NTN1: variants seen among roughly 807,000 people sequenced by gnomAD.
NTN1 encodes netrin-1.
Under a neutral mutation model 54.2 loss-of-function variants are expected in NTN1, and 11 were observed. That is an observed-to-expected ratio of 0.20 (90% CI 0.13 to 0.34). The LOEUF (loss-of-function observed/expected upper bound fraction) is 0.34, where lower values mean the gene tolerates loss of function less well. NTN1 is among the 10% of genes least tolerant of loss of function. The pLI is 1.00. For missense variants in NTN1, 740 were observed against 893.1 expected (o/e 0.83, Z 2.18); for synonymous variants, 371 against 382.0 (o/e 0.97, Z 0.33).
chr17:9,090,471 G>T (rs1481476768), intron 2 of NTN1, among the ~76,000 whole-genome samples: 2 of 152,088 alleles, frequency 1.3e-5, no homozygotes, highest in Non-Finnish European at 1.5e-5. Context: ...ACCGCGCCTG[G>T]CCTAACTCCT....
Position 9,076,547 on chromosome 17 carries a change from A to G in NTN1, c.1018+53156A>G, listed in dbSNP as rs575467037. ...ACCAGCATGCTCAGTGAATTTTTCA[A>G]ATTTTTTTGTGGAGATAGGGGTCTC... On this transcript the variant is annotated intron_variant, in intron 2 of 6. Transcript: ENST00000173229. Among the ~76,000 whole-genome samples the G allele has an allele frequency of 1.1e-4, 16 of 151,918 alleles. 1 individual carries two copies. The South Asian group carries it at 3.1e-3, about 30-fold the overall frequency.
At chr17:9,029,821 G>A (rs144071296) in intron 2 of NTN1, among the ~76,000 whole-genome samples, 2,113 of 152,092 alleles carry the variant, frequency 0.014, 52 homozygotes, top group African/African-American at 0.049. Context: ...GTGAAACCCC[G>A]TGTCTACTAA....
At chr17:9,137,530 C>T (rs1280121225) in intron 2 of NTN1, among the ~76,000 whole-genome samples, 1 of 152,202 alleles carries the variant, frequency 6.6e-6, no homozygotes, top group Non-Finnish European at 1.5e-5. Context: ...CAATGGCTCA[C>T]GCCTGTAATC....
the NTN1 span, among the ~76,000 whole-genome samples, chr17:9,003,097 G>C: frequency 2.3e-3 from 354 of 152,208 alleles, 1 homozygote; most frequent in Non-Finnish European, 3.4e-3. The surrounding 1 kb of genome is among the most constrained non-coding windows in gnomAD (Gnocchi z 7.4). Context: ...GCACTCGAAC[G>C]GGAGCCGCGG....
In NTN1 at chr17:9,024,679, C is replaced by T. The variant is rs528574668; in HGVS notation, c.1018+1288C>T. 5.9e-5 allele frequency among the ~76,000 whole-genome samples: 9 copies of T among 152,366 alleles called. No homozygotes were observed. In the South Asian group the frequency reaches 1.9e-3, roughly 32 times the overall value. ...CATGTCTTGGAGGGCCGGATCGCCGCAGAGGCCCAGTCAGGCGTCCTGGTC... is the reference window on the plus strand; with the variant it reads ...CATGTCTTGGAGGGCCGGATCGCCGTAGAGGCCCAGTCAGGCGTCCTGGTC... On this transcript the variant is annotated intron_variant, in intron 2 of 6. Coordinates refer to ENST00000173229, the MANE Select transcript of NTN1 (RefSeq NM_004822.3).
At chr17:9,119,115 C>T (rs1206000860) in intron 2 of NTN1, among the ~76,000 whole-genome samples, 5 of 152,104 alleles carry the variant, frequency 3.3e-5, no homozygotes, top group Non-Finnish European at 5.9e-5. Context: ...GCAATGTATG[C>T]GGGTTCTGGT....
At chr17:9,012,660 C>T in the NTN1 span, among the ~76,000 whole-genome samples, 6 of 152,252 alleles carry the variant, frequency 3.9e-5, no homozygotes, top group African/African-American at 1.4e-4. Context: ...TCATTCTGCT[C>T]TACTGGATCC....
intron 2 of NTN1, among the ~76,000 whole-genome samples, chr17:9,045,592 G>A (rs2091939233): frequency 6.6e-6 from 1 of 152,168 alleles, no homozygotes; most frequent in Non-Finnish European, 1.5e-5. Context: ...CCAGAACCAT[G>A]AGAAAGGCTG....
At chr17:9,078,083 T>C (rs1046883001) in intron 2 of NTN1, among the ~76,000 whole-genome samples, 4 of 150,726 alleles carry the variant, frequency 2.7e-5, no homozygotes, top group African/African-American at 1.0e-4. Flanking sequence ...CATCCATCCA[T>C]CCATCCATCC....
At chr17:9,062,460 A>G (rs534414928) in intron 2 of NTN1, among the ~76,000 whole-genome samples, 3 of 152,262 alleles carry the variant, frequency 2.0e-5, no homozygotes, top group Admixed American at 2.0e-4. Context: ...ACATTTTTTG[A>G]GACCTCCCAT....
At chr17:9,054,328 G>C (rs905269677) in intron 2 of NTN1, among the ~76,000 whole-genome samples, 1 of 152,208 alleles carries the variant, frequency 6.6e-6, no homozygotes, top group African/African-American at 2.4e-5. Flanking sequence ...CCTGCCCGAG[G>C]CATGGAAACA....
chr17:9,239,847 C>T lies in NTN1; in HGVS notation c.1694C>T (p.Pro565Leu), dbSNP rs1372383609. The T allele has an allele frequency of 6.2e-7, 1 of 1,612,892 alleles. No homozygotes were observed. The highest frequency in any genetic ancestry group is 1.1e-5 in the South Asian group (1 of 90,912). The stretch of plus-strand genomic sequence containing the variant: ...CTGCTGGGCAACGCGGAGGACTCTC[C>T]GGACCAGAGCGGCATCGTGGCCGAT... ...YLLLGNAEDS[P>L]DQSGIVADKS... Residue 565 changes from proline (P) to leucine (L), a missense_variant, in exon 7 of 7, where the codon CCG (proline) becomes CTG (leucine). Physicochemically the swap from Pro to Leu is moderately conservative, Grantham distance 98. Coordinates refer to ENST00000173229, the MANE Select transcript of NTN1 (RefSeq NM_004822.3). The surrounding 1 kb of genome is among the most constrained non-coding windows in gnomAD (Gnocchi z 5.2).
chr17:9,141,294 A>T, intron 2 of NTN1, among the ~76,000 whole-genome samples: 1 of 150,948 alleles, frequency 6.6e-6, no homozygotes, highest in East Asian at 2.0e-4. Flanking sequence ...AGCTTTAATG[A>T]GGGGGGGGAG....
intron 2 of NTN1, among the ~76,000 whole-genome samples, chr17:9,027,329 C>T (rs1185326872): frequency 6.6e-6 from 1 of 152,140 alleles, no homozygotes; most frequent in Non-Finnish European, 1.5e-5. Context: ...CATTTAATCA[C>T]CGTGACTACG....
At chr17:9,137,176 T>A (rs559933755) in intron 2 of NTN1, among the ~76,000 whole-genome samples, 4 of 152,286 alleles carry the variant, frequency 2.6e-5, no homozygotes, top group Admixed American at 2.0e-4. Context: ...CTGCATTTCA[T>A]CCTATGTTGT....
intron 6 of NTN1, among the ~76,000 whole-genome samples, chr17:9,234,298 C>G (rs1372568064): frequency 2.0e-5 from 3 of 152,208 alleles, no homozygotes; most frequent in African/African-American, 4.8e-5. Context: ...GCTGCTGCCC[C>G]ACCCCACCTG....
chr17:9,023,381 C>G lies in NTN1; in HGVS notation c.1008C>G (p.Asn336Lys). 4.8e-6 allele frequency: 7 copies of G among 1,467,632 alleles called. No homozygotes were observed. Among genetic ancestry groups the G allele is most frequent in the Non-Finnish European group, 6.3e-6 (7 of 1,110,932 alleles). The allele number at this position is 1,467,632 out of a possible 1,614,324, so 90.9% of individuals were successfully genotyped here. ...AGCGCGCCACAGCCCGCGAAGCCAA[C>G]GAGTGCGTGGGTGAGTGGGGTGCGG... ...PWQRATAREA[N>K]ECVACNCNLH... The change falls in exon 2 of 7, where the codon AAC (asparagine) becomes AAG (lysine). Residue 336 changes from asparagine (N) to lysine (K), a missense_variant. Coordinates refer to ENST00000173229, the MANE Select transcript of NTN1 (RefSeq NM_004822.3).
At chr17:9,197,682 A>G (rs529479508) in intron 5 of NTN1, among the ~76,000 whole-genome samples, 36 of 151,308 alleles carry the variant, frequency 2.4e-4, no homozygotes, top group African/African-American at 8.5e-4. Context: ...AAGAAGGAAG[A>G]AAAAGAAAAG....
chr17:9,163,573 A>G (rs2092365432), intron 3 of NTN1, among the ~76,000 whole-genome samples: 1 of 150,724 alleles, frequency 6.6e-6, no homozygotes, highest in East Asian at 1.9e-4. Context: ...CAGAAGGAAC[A>G]TTTAATCCAT....
Sources: allele counts gnomAD v4.1 joint callset (sites outside exome capture counted in the v4.1 genomes callset), GRCh38; gene constraint gnomAD v4.1.1; non-coding constraint Gnocchi (gnomAD v3.1); transcripts MANE v1.5; gene names NCBI Gene and HGNC (gene_info 2026-07-23, HGNC 2026-07-21).